CACNA1E: variants seen among roughly 807,000 people sequenced by gnomAD.
CACNA1E encodes the protein calcium voltage-gated channel subunit alpha1 E, also known as voltage-dependent R-type calcium channel subunit alpha-1E.
A neutral mutation model predicts 259.2 loss-of-function variants in CACNA1E; 40 were observed. That is an observed-to-expected ratio of 0.15 (90% confidence interval 0.12 to 0.20). CACNA1E has a LOEUF of 0.20. Among genes scored for constraint, CACNA1E ranks in the 10% least tolerant of loss-of-function variants. The pLI is 1.00. For synonymous variants in CACNA1E, 1,104 were observed against 1,138.5 expected, an observed-to-expected ratio of 0.97 and a Z score of 0.61; for missense variants, 1,874 against 3,040.1, an observed-to-expected ratio of 0.62 and a Z score of 9.02.
chr1:181,673,471 C>T (rs1649025860), intron 7 of CACNA1E, among the ~76,000 whole-genome samples: 1 of 152,220 alleles, frequency 6.6e-6, no homozygotes, highest in African/African-American at 2.4e-5. Flanking sequence ...GCATCCAGAG[C>T]ATATGCTCTT....
intron 25 of CACNA1E, among the ~76,000 whole-genome samples, chr1:181,746,611 A>G (rs1268462405): frequency 2.0e-5 from 3 of 152,192 alleles, no homozygotes; most frequent in East Asian, 1.9e-4. Flanking sequence ...GACAAGACCT[A>G]TGGGTAGATG....
chr1:181,546,920 C>T (rs1234659202), intron 3 of CACNA1E, among the ~76,000 whole-genome samples: 1 of 152,180 alleles, frequency 6.6e-6, no homozygotes, highest in African/African-American at 2.4e-5. Flanking sequence ...TCGTGCCTGT[C>T]CTTTTAAATC....
chr1:181,785,503 G>T, intron 42 of CACNA1E, 85 bp downstream of exon 42: 1 of 1,007,360 alleles, frequency 9.9e-7, no homozygotes. Context: ...GGGGCATAGT[G>T]CCCGGCAAGG....
intron 6 of CACNA1E, among the ~76,000 whole-genome samples, chr1:181,639,377 C>G (rs1190550011): frequency 6.6e-6 from 1 of 152,218 alleles, no homozygotes; most frequent in Non-Finnish European, 1.5e-5. Flanking sequence ...TGTGAGCCAC[C>G]ACGCCCAGCC....
upstream of CACNA1E, among the ~76,000 whole-genome samples, chr1:181,480,146 C>G (rs902492757): frequency 6.6e-6 from 1 of 151,984 alleles, no homozygotes; most frequent in African/African-American, 2.4e-5. Flanking sequence ...CTGTAGCTGC[C>G]TTGGGGGCTG....
chr1:181,533,895 C>T (rs560917256), intron 3 of CACNA1E, among the ~76,000 whole-genome samples: 5 of 151,762 alleles, frequency 3.3e-5, no homozygotes, highest in South Asian at 2.1e-4. Context: ...AGTTTTTATT[C>T]GTTGATGTTA....
intron 1 of CACNA1E, among the ~76,000 whole-genome samples, chr1:181,509,659 G>T (rs546265303): frequency 1.2e-3 from 189 of 152,182 alleles, no homozygotes; most frequent in African/African-American, 4.3e-3. Context: ...CTTCCTGCAG[G>T]GGTCATAGTC....
chr1:181,365,301 G>A (rs944201789), intron 1 of CACNA1E, among the ~76,000 whole-genome samples: 3 of 152,194 alleles, frequency 2.0e-5, no homozygotes, highest in South Asian at 2.1e-4. Context: ...CCACGTAGGT[G>A]GGACTATGGG....
At chr1:181,704,373 A>G (rs1423577120) in intron 7 of CACNA1E, among the ~76,000 whole-genome samples, 6 of 152,200 alleles carry the variant, frequency 3.9e-5, no homozygotes, top group African/African-American at 1.2e-4. Flanking sequence ...ACCACTGCCA[A>G]CACAGAATTG....
chr1:181,610,452 A>G (rs6676211), intron 6 of CACNA1E, among the ~76,000 whole-genome samples: 4,664 of 152,328 alleles, frequency 0.031, 198 homozygotes, highest in African/African-American at 0.1. Flanking sequence ...TGCGTGGTCT[A>G]TAAAAGACAG....
chr1:181,326,942 G>T (rs1650841034), intron 1 of CACNA1E, among the ~76,000 whole-genome samples: 1 of 152,110 alleles, frequency 6.6e-6, no homozygotes, highest in African/African-American at 2.4e-5. Context: ...CACCCCACGT[G>T]GGCCTGGCTC....
intron 6 of CACNA1E, among the ~76,000 whole-genome samples, chr1:181,601,817 C>T (rs56385885): frequency 0.079 from 12,100 of 152,248 alleles, 586 homozygotes; most frequent in South Asian, 0.21. Flanking sequence ...TCTTCCCTTG[C>T]TGAGTAAAAG....
intron 1 of CACNA1E, among the ~76,000 whole-genome samples, chr1:181,409,283 G>T (rs1657679560): frequency 6.6e-6 from 1 of 152,176 alleles, no homozygotes; most frequent in Non-Finnish European, 1.5e-5. Flanking sequence ...CTGGCCCTTT[G>T]CAGTGTTTGC....
intron 25 of CACNA1E, among the ~76,000 whole-genome samples, chr1:181,746,028 C>A (rs776026324): frequency 3.9e-4 from 59 of 152,152 alleles, no homozygotes; most frequent in Non-Finnish European, 7.6e-4. Flanking sequence ...GATTATGCAC[C>A]ACTTAGCATA....
chr1:181,382,270 T>C (rs899309745), intron 1 of CACNA1E, among the ~76,000 whole-genome samples: 12 of 151,670 alleles, frequency 7.9e-5, no homozygotes, highest in South Asian at 2.1e-4. Flanking sequence ...GTGGCTAGAG[T>C]TGGTAAGGGA....
chr1:181,521,436 A>G (rs1666985977), intron 3 of CACNA1E, among the ~76,000 whole-genome samples: 2 of 152,206 alleles, frequency 1.3e-5, no homozygotes, highest in Non-Finnish European at 2.9e-5. Context: ...AGAAAACCAG[A>G]AAGAAGCCCA....
chr1:181,446,915 T>C (rs753221234), intron 2 of CACNA1E, among the ~76,000 whole-genome samples: 2 of 152,070 alleles, frequency 1.3e-5, no homozygotes, highest in Admixed American at 6.6e-5. Context: ...TTCTTAGGAG[T>C]GCTGTTCTTT....
chr1:181,669,597 A>C (rs1214272876), intron 7 of CACNA1E, among the ~76,000 whole-genome samples: 2 of 152,224 alleles, frequency 1.3e-5, no homozygotes, highest in Non-Finnish European at 2.9e-5. Flanking sequence ...ATTACGAAGA[A>C]GGGCATCATG....
chr1:181,629,402 G>C (rs1656491210), intron 6 of CACNA1E, among the ~76,000 whole-genome samples: 1 of 152,184 alleles, frequency 6.6e-6, no homozygotes, highest in African/African-American at 2.4e-5. Flanking sequence ...TGGAGTTTCT[G>C]TAGTGTGAAT....
Sources: gnomAD v4.1 joint callset for allele counts (sites outside exome capture counted in the v4.1 genomes callset) on GRCh38, gnomAD v4.1.1 for gene constraint, MANE v1.5 for transcripts, NCBI Gene and HGNC (gene_info 2026-07-23, HGNC 2026-07-21) for gene names.